The following ZXDC variants were observed in gnomAD, a reference collection of about 807,000 sequenced individuals.
ZXDC encodes the protein ZXD family zinc finger C.
Under a neutral mutation model 63.6 loss-of-function variants are expected in ZXDC, and 58 were observed. The observed-to-expected ratio is 0.91, with a 90% CI of 0.74 to 1.13. ZXDC has a LOEUF of 1.13. Among genes scored for constraint, ZXDC ranks in the 50% most tolerant of loss-of-function variants. The probability of loss-of-function intolerance (pLI) is 0.00; values close to 1 mark genes in which losing one functional copy is unlikely to be tolerated. For missense variants in ZXDC, 1,133 were observed against 1,148.9 expected (o/e 0.99, Z 0.20); for synonymous variants, 561 against 496.1 (o/e 1.13, Z -1.74).
At chr3:126,439,563 C>T in intron 9 of ZXDC, 69 bp downstream of exon 9, 1 of 1,550,326 alleles carries the variant, frequency 6.5e-7, no homozygotes, top group Non-Finnish European at 8.7e-7. Flanking sequence ...GCTGTGAAGC[C>T]AGGCTTCTGG....
At chr3:126,441,266 G>A (rs112641511) in intron 8 of ZXDC, 13,765 of 986,852 alleles carry the variant, frequency 0.014, 122 homozygotes, top group Middle Eastern at 0.041. Flanking sequence ...TGTTTCGTAG[G>A]AAAGAAAATA....
At chr3:126,451,348 A>G in intron 7 of ZXDC, 12 of 985,402 alleles carry the variant, frequency 1.2e-5, no homozygotes, top group Non-Finnish European at 1.4e-5. Flanking sequence ...ACATGCACAG[A>G]GTGTACAGTT....
Position 126,438,324 on chromosome 3 carries a change from GA to G in ZXDC, c.*50del. 2 of 1,501,488 alleles carry G rather than the reference GA, an allele frequency of 1.3e-6. No homozygotes were observed. The highest frequency in any genetic ancestry group is 1.8e-6 in the Non-Finnish European group (2 of 1,092,108). 93.0% of individuals were successfully genotyped at this position (1,501,488 alleles called of 1,614,324 possible). On this transcript the variant is annotated 3_prime_UTR_variant, in exon 10 of 10. Coordinates refer to ENST00000389709, the MANE Select transcript of ZXDC (RefSeq NM_025112.5). ...CCAGGCTCATGTCATGAGTCTCAGG[GA>G]AGGTGTGTCCTAGACCGTGGCCTTG...
intron 5 of ZXDC, 126 bp downstream of exon 5, chr3:126,466,029 G>A (rs1576685837): frequency 2.6e-6 from 3 of 1,136,178 alleles, no homozygotes; most frequent in Non-Finnish European, 3.7e-6. Flanking sequence ...ACTTGGCTTG[G>A]CAGCCACGCC....
intron 1 of ZXDC, among the ~76,000 whole-genome samples, chr3:126,472,711 C>G (rs1421424072): frequency 6.6e-6 from 1 of 152,194 alleles, no homozygotes; most frequent in South Asian, 2.1e-4. Flanking sequence ...TACAAATCAT[C>G]CTACTAGCCA....
intron 4 of ZXDC, 22 bp from the exon 5 acceptor site, chr3:126,466,347 G>T: frequency 6.2e-7 from 1 of 1,613,976 alleles, no homozygotes; most frequent in Non-Finnish European, 8.5e-7. Flanking sequence ...AGAGTAATGA[G>T]AGTGAAACCC....
chr3:126,438,253 A>G lies in ZXDC; in HGVS notation c.*122T>C. 1.3e-6 allele frequency: 1 copy of G among 781,660 alleles called. No individual in the cohort carries two copies. The highest frequency in any genetic ancestry group is 2.2e-6 in the Non-Finnish European group (1 of 461,310). 48.4% of individuals were successfully genotyped at this position (781,660 alleles called of 1,614,324 possible). ...TTTGATAAATGTACCCAAAAGTCTC[A>G]AAAGGGCTACGCTGGTCTTCTGAAC... On this transcript the variant is annotated 3_prime_UTR_variant, in exon 10 of 10. Transcript: ENST00000389709.
intron 8 of ZXDC, chr3:126,440,285 ATTCACACC>A: frequency 1.0e-6 from 1 of 988,932 alleles, no homozygotes; most frequent in Non-Finnish European, 1.2e-6. Flanking sequence ...GCCCATGGCC[ATTCACACC>A]CCGAAGCGGA....
chr3:126,445,974 C>T (rs780211263), intron 7 of ZXDC, among the ~76,000 whole-genome samples: 28 of 152,312 alleles, frequency 1.8e-4, no homozygotes, highest in African/African-American at 6.0e-4. Flanking sequence ...GTCCACACCA[C>T]GTCCTCACGA....
chr3:126,461,748 G>A lies in ZXDC; in HGVS notation c.1914C>T (p.Thr638=), dbSNP rs1385068664. ...GGGGGGTGCTCGAAGAGGTCGGTGT[G>A]GTGATATGTGCTGCTAAGTTACTAT... The part of the protein sequence containing the change: ...TSNSNLAAHI[T]TPTSSSTPRE... The change falls in exon 6 of 10, where the codon ACC becomes ACT. Residue 638 remains threonine, a synonymous_variant. Coordinates refer to ENST00000389709, the MANE Select transcript of ZXDC (RefSeq NM_025112.5). The A allele has an allele frequency of 5.0e-6, 8 of 1,613,928 alleles. No homozygotes were observed. The highest frequency in any genetic ancestry group is 4.0e-5 in the African/African-American group (3 of 74,890).
At chr3:126,448,250 G>A (rs181146992) in intron 7 of ZXDC, among the ~76,000 whole-genome samples, 20 of 152,298 alleles carry the variant, frequency 1.3e-4, no homozygotes, top group Admixed American at 2.0e-4. Flanking sequence ...TGAGGTCTGC[G>A]CAAGTTTCAT....
rs1933630836 is a variant in ZXDC, at chr3:126,440,379, G to A, written c.2395-652C>T. The A allele has an allele frequency of 1.3e-5, 13 of 985,640 alleles. No homozygotes were observed. The South Asian group carries it at 5.2e-4, about 39-fold the overall frequency. The allele number at this position is 985,640 out of a possible 1,614,324, so 61.1% of individuals were successfully genotyped here. On this transcript the variant is annotated intron_variant, in intron 8 of 9. Coordinates refer to ENST00000389709, the MANE Select transcript of ZXDC (RefSeq NM_025112.5). ...CCTGTGTGTCAAGGTCTGCACTACT[G>A]TTCCCATTTCATAGATGACAAAACT...
rs559157529 is a variant in ZXDC, at chr3:126,467,732, T to C, written c.1271-1407A>G. ...ACTGCCCTGCAAGCGCGCAGTTTCC[T>C]CTGCATGCCCTGCTCACCATGGTAC... On this transcript the variant is annotated intron_variant, in intron 4 of 9. Coordinates refer to ENST00000389709, the MANE Select transcript of ZXDC (RefSeq NM_025112.5). Among the ~76,000 whole-genome samples the C allele has an allele frequency of 3.3e-5, 5 of 152,296 alleles. No homozygotes were observed. The East Asian group carries it at 5.8e-4, about 18-fold the overall frequency.
intron 7 of ZXDC, chr3:126,452,573 T>C (rs573311683): frequency 2.2e-5 from 22 of 984,632 alleles, no homozygotes; most frequent in Non-Finnish European, 2.7e-5. Context: ...CGATCTATTA[T>C]TGAGATAATG....
At chr3:126,439,465 C>G (rs1162099318) in intron 9 of ZXDC, among the ~76,000 whole-genome samples, 167 bp downstream of exon 9, 5 of 152,244 alleles carry the variant, frequency 3.3e-5, no homozygotes, top group African/African-American at 1.2e-4. Context: ...GAGCTCCACT[C>G]ACCCACCTTC....
chr3:126,455,143 C>A (rs56071014), intron 7 of ZXDC: 57,755 of 975,040 alleles, frequency 0.059, 1,772 homozygotes, highest in African/African-American at 0.066. Flanking sequence ...ACCAAAAAAT[C>A]CCAAACCCAA....
At chr3:126,466,849 T>C (rs1403156527) in intron 4 of ZXDC, among the ~76,000 whole-genome samples, 3 of 152,044 alleles carry the variant, frequency 2.0e-5, no homozygotes, top group Admixed American at 2.0e-4. Flanking sequence ...GGCAACTCCT[T>C]GCTTACACTC....
intron 7 of ZXDC, chr3:126,451,498 T>C (rs1433927249): frequency 1.0e-6 from 1 of 985,290 alleles, no homozygotes; most frequent in Admixed American, 6.1e-5. Context: ...TTATGCATAT[T>C]TTTTGGCTCC....
chr3:126,454,144 G>T lies in ZXDC; in HGVS notation c.2212+5509C>A, dbSNP rs1224020705. 3 of 966,706 alleles carry T rather than the reference G, an allele frequency of 3.1e-6. No homozygotes were observed. The African/African-American group carries it at 5.3e-5, about 17-fold the overall frequency. The allele number at this position is 966,706 out of a possible 1,614,324, so 59.9% of individuals were successfully genotyped here. A position where few individuals can be genotyped will look rare whatever the true frequency, so the allele number is the denominator to read the frequency against. The stretch of plus-strand genomic sequence containing the variant: ...CATTTAATTTCTATAAATATTCAAA[G>T]GACATGGAATAGGATCTGTTAAATC... On this transcript the variant is annotated intron_variant, in intron 7 of 9. Transcript: ENST00000389709.
Sources: allele counts gnomAD v4.1 joint callset (sites outside exome capture counted in the v4.1 genomes callset), GRCh38; gene constraint gnomAD v4.1.1; transcripts MANE v1.5; gene names NCBI Gene and HGNC (gene_info 2026-07-23, HGNC 2026-07-21).